ZNF496: variants seen among roughly 807,000 people sequenced by gnomAD.
The protein encoded by ZNF496 is zinc finger protein 496, also known as NSD1 (nuclear receptor binding SET-domain containing 1)-interacting zinc finger protein 1.
A neutral mutation model predicts 58.9 loss-of-function variants in ZNF496; 11 were observed. That is an observed-to-expected ratio of 0.19 (90% CI 0.12 to 0.31). The LOEUF (loss-of-function observed/expected upper bound fraction) is 0.31, where lower values mean the gene tolerates loss of function less well. Among genes scored for constraint, ZNF496 ranks in the 10% least tolerant of loss-of-function variants. ZNF496 has a pLI of 1.00. For missense variants in ZNF496, 660 were observed against 783.0 expected (o/e 0.84, Z 1.88); for synonymous variants, 338 against 318.2 (o/e 1.06, Z -0.66).
At chr1:247,328,980 C>T in intron 4 of ZNF496, 114 bp from the exon 5 acceptor site, 1 of 1,430,666 alleles carries the variant, frequency 7.0e-7, no homozygotes. Context: ...AGGCCTTGGA[C>T]TGGGCTGTAA....
At chr1:247,315,332 G>C (rs990062502) in intron 6 of ZNF496, among the ~76,000 whole-genome samples, 2 of 152,148 alleles carry the variant, frequency 1.3e-5, no homozygotes, top group African/African-American at 4.8e-5. Flanking sequence ...GTGCCACTGT[G>C]AGTCTAACCC....
chr1:247,320,613 G>A (rs1399841276), intron 6 of ZNF496, among the ~76,000 whole-genome samples: 1 of 152,146 alleles, frequency 6.6e-6, no homozygotes, highest in Non-Finnish European at 1.5e-5. Context: ...ATAGAATATA[G>A]ATTTTTACTC....
chr1:247,302,884 TG>T (rs754693484), intron 9 of ZNF496, among the ~76,000 whole-genome samples: 4 of 152,160 alleles, frequency 2.6e-5, no homozygotes, highest in Non-Finnish European at 5.9e-5. Flanking sequence ...ACAAGGTACT[TG>T]ATCAGCAGTT....
At chr1:247,316,248 G>C (rs1357726317) in intron 6 of ZNF496, among the ~76,000 whole-genome samples, 1 of 144,934 alleles carries the variant, frequency 6.9e-6, no homozygotes, top group African/African-American at 2.5e-5. Context: ...AGCGCGCGCA[G>C]TGGGGGTCCC....
chr1:247,318,641 A>G (rs1387253811), intron 6 of ZNF496, among the ~76,000 whole-genome samples: 1 of 151,896 alleles, frequency 6.6e-6, no homozygotes, highest in African/African-American at 2.4e-5. Context: ...TCTGGTGAAA[A>G]CATCCTTCAG....
Position 247,297,424 on chromosome 1 carries a change from C to T in ZNF496, c.*3095G>A, listed in dbSNP as rs1659120181. On this transcript the variant is annotated 3_prime_UTR_variant, in exon 10 of 10. Coordinates refer to ENST00000682384, the MANE Select transcript of ZNF496 (RefSeq NM_032752.3). ...AAGCCTAACAGGAATATTGACTCAG[C>T]AAGTTTTTATTATGCACCTGTGGGT... 2 of 152,120 alleles carry T rather than the reference C, an allele frequency of 1.3e-5. No homozygotes were observed. 9.4% of individuals were successfully genotyped at this position (152,120 alleles called of 1,614,324 possible). A position where few individuals can be genotyped will look rare whatever the true frequency, so the allele number is the denominator to read the frequency against.
rs1162086862 is a variant in ZNF496, at chr1:247,301,014, C to T, written c.1269G>A (p.Arg423=). The T allele has an allele frequency of 1.2e-6, 2 of 1,613,762 alleles. No homozygotes were observed. The highest frequency in any genetic ancestry group is 1.7e-6 in the Non-Finnish European group (2 of 1,180,042). The change falls in exon 10 of 10, where the codon CGG becomes CGA. Residue 423 remains arginine (R), a synonymous_variant. Coordinates refer to ENST00000682384, the MANE Select transcript of ZNF496 (RefSeq NM_032752.3). Reference sequence around the variant, plus strand: ...CCTGCTCCCTGCGGCTCCGCAGATGCCGGATGAAGTTGACCCTCCAGCGGA... The same window carrying T: ...CCTGCTCCCTGCGGCTCCGCAGATGTCGGATGAAGTTGACCCTCCAGCGGA... ...KIFRWRVNFI[R]HLRSRREQEK...
intron 5 of ZNF496, 87 bp downstream of exon 5, chr1:247,328,596 T>G (rs1448973497): frequency 1.0e-5 from 14 of 1,364,044 alleles, no homozygotes; most frequent in Non-Finnish European, 1.4e-5. Flanking sequence ...GTAAAAGCCA[T>G]CAGCTTAACA....
Position 247,300,390 on chromosome 1 carries a change from C to A in ZNF496, c.*129G>T. 9.6e-7 allele frequency: 1 copy of A among 1,043,442 alleles called. No individual in the cohort carries two copies. The highest frequency in any genetic ancestry group is 1.3e-6 in the Non-Finnish European group (1 of 750,360). The allele number at this position is 1,043,442 out of a possible 1,614,324, so 64.6% of individuals were successfully genotyped here. Reference sequence around the variant, plus strand: ...ATGGCACCACCCGAACGCTCACTACCTGAGAGCAAGGACAGGAGGGAGGTG... The same window carrying A: ...ATGGCACCACCCGAACGCTCACTACATGAGAGCAAGGACAGGAGGGAGGTG... On this transcript the variant is annotated 3_prime_UTR_variant, in exon 10 of 10. Transcript: ENST00000682384. The surrounding 1 kb of genome is among the most constrained non-coding windows in gnomAD (Gnocchi z 5.7).
chr1:247,325,572 C>T (rs1471722505), intron 5 of ZNF496, among the ~76,000 whole-genome samples: 1 of 152,172 alleles, frequency 6.6e-6, no homozygotes, highest in Non-Finnish European at 1.5e-5. Context: ...TATTTTTCAT[C>T]AACCTCACCA....
chr1:247,316,500 G>A (rs1045756472), intron 6 of ZNF496, among the ~76,000 whole-genome samples: 1 of 152,010 alleles, frequency 6.6e-6, no homozygotes, highest in Non-Finnish European at 1.5e-5. Context: ...CGGAGCAAGC[G>A]CGTCAGGACA....
In ZNF496 at chr1:247,300,795, C is replaced by T. The variant is rs369102189; in HGVS notation, c.1488G>A (p.Lys496=). 1 of 1,601,650 alleles carries T rather than the reference C, an allele frequency of 6.2e-7. No individual in the cohort carries two copies. The highest frequency in any genetic ancestry group is 8.5e-7 in the Non-Finnish European group (1 of 1,171,764). Reference sequence around the variant, plus strand: ...CGTCCTCGGATGCCGCCTGCTCTCTCTTCTCCACCGGCTGGAGTCTGTCCG... The same window carrying T: ...CGTCCTCGGATGCCGCCTGCTCTCTTTTCTCCACCGGCTGGAGTCTGTCCG... The part of the protein sequence containing the change: ...LQPDRLQPVE[K]REQAASEDAD... The change falls in exon 10 of 10, where the codon AAG becomes AAA. Residue 496 remains lysine (K), a synonymous_variant. Coordinates refer to ENST00000682384, the MANE Select transcript of ZNF496 (RefSeq NM_032752.3). This position sits in a 1 kb window ranked among gnomAD's most constrained non-coding sequence, Gnocchi z 5.7.
chr1:247,320,994 G>C (rs984224502), intron 6 of ZNF496, among the ~76,000 whole-genome samples: 19 of 152,272 alleles, frequency 1.2e-4, no homozygotes, highest in Admixed American at 3.3e-4. Context: ...TGACTAACAT[G>C]GTGAAACCCC....
chr1:247,321,013 T>C (rs1441732514), intron 6 of ZNF496, among the ~76,000 whole-genome samples: 3 of 152,064 alleles, frequency 2.0e-5, no homozygotes, highest in East Asian at 1.9e-4. Flanking sequence ...CCGTCTCTAC[T>C]AAGAATACAA....
At chr1:247,321,853 C>T (rs1558156307) in intron 6 of ZNF496, among the ~76,000 whole-genome samples, 1 of 152,254 alleles carries the variant, frequency 6.6e-6, no homozygotes, top group Admixed American at 6.5e-5. Flanking sequence ...CAGATGCTGA[C>T]ATGTATGTGT....
At chr1:247,323,760 A>T (rs1572091484) in intron 5 of ZNF496, among the ~76,000 whole-genome samples, 1 of 131,354 alleles carries the variant, frequency 7.6e-6, no homozygotes, top group Middle Eastern at 3.5e-3. Flanking sequence ...GTTTCTTAAA[A>T]AGAAAAAGAA....
chr1:247,310,966 T>A (rs1659580773), intron 6 of ZNF496: 1 of 152,894 alleles, frequency 6.5e-6, no homozygotes, highest in South Asian at 2.1e-4. Flanking sequence ...CATTCCAGCA[T>A]CAACTCAAAA....
At chr1:247,328,660 C>A in intron 5 of ZNF496, 23 bp downstream of exon 5, 1 of 1,539,044 alleles carries the variant, frequency 6.5e-7, no homozygotes, top group South Asian at 1.3e-5. Context: ...ATCACCCCTG[C>A]TACACTCCCC....
At chr1:247,328,444 T>C (rs1660209884) in intron 5 of ZNF496, among the ~76,000 whole-genome samples, 1 of 152,162 alleles carries the variant, frequency 6.6e-6, no homozygotes, top group Non-Finnish European at 1.5e-5. Flanking sequence ...GACACCCACC[T>C]ACAGAAGCGT....
Sources: gnomAD v4.1 joint callset for allele counts (sites outside exome capture counted in the v4.1 genomes callset) on GRCh38, gnomAD v4.1.1 for gene constraint, Gnocchi (gnomAD v3.1) non-coding constraint, MANE v1.5 for transcripts, NCBI Gene and HGNC (gene_info 2026-07-23, HGNC 2026-07-21) for gene names.